The following EML4 variants were observed in gnomAD, a reference collection of about 807,000 sequenced individuals.
The protein encoded by EML4 is EMAP like 4, also known as echinoderm microtubule-associated protein-like 4.
In EML4, 72 loss-of-function variants were observed where a neutral mutation model predicts 129.0. The ratio of observed to expected loss-of-function variants is 0.56; its 90% CI spans 0.46 to 0.68. EML4 has a LOEUF of 0.68. Ranked by LOEUF, EML4 falls within the 30% of genes least tolerant of loss-of-function variation. EML4 has a pLI of 0.00. For missense variants in EML4, 1,363 were observed against 1,190.6 expected (o/e 1.14, Z -2.13); for synonymous variants, 532 against 405.0 (o/e 1.31, Z -3.77).
In EML4 at chr2:42,303,410, A is replaced by C. The variant is rs774497834; in HGVS notation, c.1863A>C (p.Ser621=). The C allele has an allele frequency of 6.2e-7, 1 of 1,614,110 alleles. No individual in the cohort carries two copies. The highest frequency in any genetic ancestry group is 1.7e-5 in the Admixed American group (1 of 60,028). ...AQDRQVCLWN[S]MEHRLEWTRL... ...ACAGGCAGGTGTGCCTGTGGAACTC[A>C]ATGGAACACAGGCTGGAATGGACCA... The change falls in exon 16 of 23, where the codon TCA becomes TCC. Residue 621 remains serine, a synonymous_variant. Transcript: ENST00000318522.
chr2:42,239,333 A>G (rs1045721486), intron 1 of EML4, among the ~76,000 whole-genome samples: 1 of 152,250 alleles, frequency 6.6e-6, no homozygotes, highest in Non-Finnish European at 1.5e-5. Flanking sequence ...ATGAAACACA[A>G]TATACTTACC....
chr2:42,191,896 C>G (rs1367763403), intron 1 of EML4, among the ~76,000 whole-genome samples: 1 of 152,066 alleles, frequency 6.6e-6, no homozygotes, highest in East Asian at 1.9e-4. Context: ...GTAATCCCAG[C>G]TCTTTGGGAG....
At chr2:42,298,136 G>C (rs998943886) in intron 13 of EML4, among the ~76,000 whole-genome samples, 1 of 152,190 alleles carries the variant, frequency 6.6e-6, no homozygotes, top group Non-Finnish European at 1.5e-5. Flanking sequence ...TTGCAAAGGA[G>C]CTAAGAAACA....
chr2:42,204,531 A>G (rs1268808525), intron 1 of EML4, among the ~76,000 whole-genome samples: 1 of 152,218 alleles, frequency 6.6e-6, no homozygotes, highest in Non-Finnish European at 1.5e-5. Context: ...TGTTCTAACA[A>G]AATTTTATTT....
chr2:42,267,657 A>C (rs2104411994), intron 6 of EML4, among the ~76,000 whole-genome samples: 1 of 152,324 alleles, frequency 6.6e-6, no homozygotes, highest in South Asian at 2.1e-4. Context: ...GAAGTCAGGA[A>C]ACTGGTTGTT....
chr2:42,293,394 C>G (rs1667765575), intron 11 of EML4, among the ~76,000 whole-genome samples: 1 of 152,282 alleles, frequency 6.6e-6, no homozygotes, highest in East Asian at 1.9e-4. Flanking sequence ...AGCCACAACA[C>G]CTGGCCTAGA....
intron 1 of EML4, among the ~76,000 whole-genome samples, chr2:42,228,044 A>G (rs771902291): frequency 1.3e-5 from 2 of 151,998 alleles, no homozygotes; most frequent in Non-Finnish European, 2.9e-5. Flanking sequence ...ACATGGTGAA[A>G]CCCCATCTCT....
chr2:42,202,235 T>G (rs1158730215), intron 1 of EML4, among the ~76,000 whole-genome samples: 1 of 152,160 alleles, frequency 6.6e-6, no homozygotes, highest in Non-Finnish European at 1.5e-5. Flanking sequence ...GTATGATGTC[T>G]GTAGTTAGTA....
intron 17 of EML4, among the ~76,000 whole-genome samples, chr2:42,312,503 A>G (rs184227842): frequency 1.5e-4 from 23 of 152,180 alleles, no homozygotes; most frequent in Admixed American, 7.9e-4. Flanking sequence ...CCACAACCCC[A>G]TATCATAACC....
chr2:42,181,794 C>T (rs1194772115), intron 1 of EML4, among the ~76,000 whole-genome samples: 2 of 151,988 alleles, frequency 1.3e-5, no homozygotes, highest in African/African-American at 4.8e-5. Context: ...TTTGCTCCAG[C>T]CCTAGAATCA....
chr2:42,320,074 A>C (rs1669441747), intron 19 of EML4: 1 of 152,214 alleles, frequency 6.6e-6, no homozygotes, highest in African/African-American at 2.4e-5. Context: ...ATGTCAGTTG[A>C]AAAGATGGCT....
At chr2:42,195,524 A>G (rs1662248801) in intron 1 of EML4, among the ~76,000 whole-genome samples, 1 of 152,212 alleles carries the variant, frequency 6.6e-6, no homozygotes, top group Non-Finnish European at 1.5e-5. Flanking sequence ...GCTAAGTATA[A>G]AAATACAAGA....
chr2:42,207,213 G>C (rs912432643), intron 1 of EML4, among the ~76,000 whole-genome samples: 4 of 152,060 alleles, frequency 2.6e-5, no homozygotes, highest in Admixed American at 2.0e-4. Context: ...TTTTATAAAA[G>C]TAATTTTTAA....
At chr2:42,247,491 G>A (rs6707805) in intron 2 of EML4, among the ~76,000 whole-genome samples, 1 of 152,026 alleles carries the variant, frequency 6.6e-6, no homozygotes, top group Non-Finnish European at 1.5e-5. Flanking sequence ...CATGTACTCT[G>A]GGTCTGTGTA....
rs563551951 is a variant in EML4 at position 42,299,424 on chromosome 2, T to G, written c.1490-1817T>G. Reference sequence around the variant, plus strand: ...AAATCTACCCTGTTGAAGTATGCCTTTAAGTTCAGTGGTTTTTAGTATATT... The same window carrying G: ...AAATCTACCCTGTTGAAGTATGCCTGTAAGTTCAGTGGTTTTTAGTATATT... On this transcript the variant is annotated intron_variant, in intron 13 of 22. Transcript: ENST00000318522. Among the ~76,000 whole-genome samples, 18 of 152,298 alleles carry G rather than the reference T, an allele frequency of 1.2e-4. No individual in the cohort carries two copies. In the South Asian group the frequency reaches 3.5e-3, roughly 30 times the overall value.
At chr2:42,213,707 A>C (rs1485635302) in intron 1 of EML4, among the ~76,000 whole-genome samples, 1 of 152,198 alleles carries the variant, frequency 6.6e-6, no homozygotes. Flanking sequence ...ATAATTTTCT[A>C]ATGGTTTTAA....
chr2:42,188,931 A>C (rs1671424378), intron 1 of EML4, among the ~76,000 whole-genome samples: 1 of 152,208 alleles, frequency 6.6e-6, no homozygotes, highest in African/African-American at 2.4e-5. Flanking sequence ...GGTAGGCAGC[A>C]TTATTCCCAG....
intron 1 of EML4, among the ~76,000 whole-genome samples, chr2:42,190,886 T>A (rs964107544): frequency 6.6e-6 from 1 of 152,248 alleles, no homozygotes; most frequent in Non-Finnish European, 1.5e-5. Flanking sequence ...AAAATTCTTT[T>A]ACTCATTTTT....
At chr2:42,227,888 A>C (rs915853638) in intron 1 of EML4, among the ~76,000 whole-genome samples, 18 of 152,190 alleles carry the variant, frequency 1.2e-4, no homozygotes, top group East Asian at 1.9e-4. Flanking sequence ...CTTCCGGTCA[A>C]CCGCAGGCTA....
Sources: gnomAD v4.1 joint callset for allele counts (sites outside exome capture counted in the v4.1 genomes callset) on GRCh38, gnomAD v4.1.1 for gene constraint, MANE v1.5 for transcripts, NCBI Gene and HGNC (gene_info 2026-07-23, HGNC 2026-07-21) for gene names.